WBP11: variants seen among roughly 807,000 people sequenced by gnomAD.
The protein encoded by WBP11 is WW domain binding protein 11, also known as WW domain-binding protein 11.
A neutral mutation model predicts 66.7 loss-of-function variants in WBP11; 12 were observed. The ratio of observed to expected loss-of-function variants is 0.18; its 90% CI spans 0.12 to 0.29. WBP11 has a LOEUF of 0.29. Ranked by LOEUF, WBP11 falls within the 10% of genes least tolerant of loss-of-function variation. The probability of loss-of-function intolerance (pLI) is 1.00; values close to 1 mark genes in which losing one functional copy is unlikely to be tolerated. For missense variants in WBP11, 555 were observed against 818.3 expected, an observed-to-expected ratio of 0.68 and a Z score of 3.93; for synonymous variants, 255 against 273.8, an observed-to-expected ratio of 0.93 and a Z score of 0.68.
Position 14,788,057 on chromosome 12 carries a change from T to C in WBP11, c.1493-559A>G, listed in dbSNP as rs532794206. Among the ~76,000 whole-genome samples the C allele has an allele frequency of 2.0e-5, 3 of 152,144 alleles. No homozygotes were observed. In the East Asian group the frequency reaches 5.8e-4, roughly 29 times the overall value. ...CTCGAGACCAGCCTGATGACCAACA[T>C]GATGAAACCCTGTCTCTACTAAAAA... is the stretch of plus-strand genomic sequence containing the variant. On this transcript the variant is annotated intron_variant, in intron 11 of 11. Coordinates refer to ENST00000261167, the MANE Select transcript of WBP11 (RefSeq NM_016312.3).
Position 14,801,435 on chromosome 12 carries a change from A to C in WBP11, c.-45-7T>G, listed in dbSNP as rs546649911. On this transcript the variant is annotated splice_region_variant and splice_polypyrimidine_tract_variant and intron_variant, in intron 1 of 11. Coordinates refer to ENST00000261167, the MANE Select transcript of WBP11 (RefSeq NM_016312.3). ...TCATTAAAAAAAGAAAAACCTGTGAAGGTGAAGACAAAGAAATAGCTTATA... is the reference window on the plus strand; with the variant it reads ...TCATTAAAAAAAGAAAAACCTGTGACGGTGAAGACAAAGAAATAGCTTATA... The C allele has an allele frequency of 1.2e-5, 18 of 1,560,158 alleles. No homozygotes were observed. The Admixed American group carries it at 1.5e-4, about 13-fold the overall frequency.
chr12:14,803,227 G>C (rs1949993185), intron 1 of WBP11, 125 bp downstream of exon 1: 2 of 391,242 alleles, frequency 5.1e-6, no homozygotes, highest in African/African-American at 4.1e-5. Flanking sequence ...GTCCGCAACA[G>C]GGAGACCTCA....
At position 14,803,444 on chromosome 12, in the gene WBP11, T is replaced by C. The variant is rs1275406088; in HGVS notation, c.-138A>G. 2.5e-6 allele frequency: 1 copy of C among 398,662 alleles called. No individual in the cohort carries two copies. The allele number at this position is 398,662 out of a possible 1,614,324, so 24.7% of individuals were successfully genotyped here. On this transcript the variant is annotated 5_prime_UTR_variant, in exon 1 of 12. Coordinates refer to ENST00000261167, the MANE Select transcript of WBP11 (RefSeq NM_016312.3). ...AAAGGCCTTCAACTGGGTCTCTCGG[T>C]CAACCCCTCAGCTACCGCCATCTTG...
Position 14,787,360 on chromosome 12 carries a change from G to A in WBP11, c.1631C>T (p.Pro544Leu), listed in dbSNP as rs1286398440. ...GGCTGCACTTGTATCATCCGCCTTGGGTCGCTGAATCAAGTTGGGTGGGGC... is the reference window on the plus strand; with the variant it reads ...GGCTGCACTTGTATCATCCGCCTTGAGTCGCTGAATCAAGTTGGGTGGGGC... ...LSAPPNLIQR[P>L]KADDTSAATI... Residue 544 changes from proline to leucine, a missense_variant, in exon 12 of 12, where the codon CCC (proline) becomes CTC (leucine). Around this residue, in one of 6 missense-constraint regions of WBP11, gnomAD observed 230 missense variants for 286.3 expected, o/e 0.80. Transcript: ENST00000261167. The A allele has an allele frequency of 6.2e-7, 1 of 1,608,846 alleles. No individual in the cohort carries two copies. The highest frequency in any genetic ancestry group is 1.7e-5 in the Admixed American group (1 of 59,848).
At chr12:14,789,196 T>A in intron 10 of WBP11, 63 bp from the exon 11 acceptor site, 1 of 1,400,134 alleles carries the variant, frequency 7.1e-7, no homozygotes, top group Non-Finnish European at 9.5e-7. Flanking sequence ...AATTATGGCT[T>A]AAAAGTAACT....
Position 14,786,037 on chromosome 12 carries a change from G to A in WBP11, c.*1028C>T, listed in dbSNP as rs1949750489. On this transcript the variant is annotated 3_prime_UTR_variant, in exon 12 of 12. Coordinates refer to ENST00000261167, the MANE Select transcript of WBP11 (RefSeq NM_016312.3). ...TGGTATAAATGCAAATTAATGTTAAGCACTCTTATTCATTCATATTTTAAT... is the reference window on the plus strand; with the variant it reads ...TGGTATAAATGCAAATTAATGTTAAACACTCTTATTCATTCATATTTTAAT... The A allele has an allele frequency of 1.3e-5, 2 of 152,116 alleles. No homozygotes were observed. The highest frequency in any genetic ancestry group is 2.4e-5 in the African/African-American group (1 of 41,432). 9.4% of individuals were successfully genotyped at this position (152,116 alleles called of 1,614,324 possible).
Position 14,787,470 on chromosome 12 carries a change from C to T in WBP11, c.1521G>A (p.Met507Ile). ...CAAGGGGAGGCACCAAAGGTGGGCG[C>T]ATCATGCCAGGACGAGGTGGAGGAA... ...PGIPPPRPGM[M>I]RPPLVPPLGP... Residue 507 changes from methionine (M) to isoleucine (I), a missense_variant, in exon 12 of 12, where the codon ATG (methionine) becomes ATA (isoleucine). By Grantham distance (10) the Met-to-Ile change is conservative. Around this residue, in one of 6 missense-constraint regions of WBP11, gnomAD observed 230 missense variants for 286.3 expected, o/e 0.80. Coordinates refer to ENST00000261167, the MANE Select transcript of WBP11 (RefSeq NM_016312.3). The T allele has an allele frequency of 6.6e-7, 1 of 1,517,646 alleles. No homozygotes were observed. Among genetic ancestry groups the T allele is most frequent in the Non-Finnish European group, 8.8e-7 (1 of 1,132,800 alleles). 94.0% of individuals were successfully genotyped at this position (1,517,646 alleles called of 1,614,324 possible).
rs947509340 is a variant in WBP11 at position 14,786,763 on chromosome 12, A to C, written c.*302T>G. The C allele has an allele frequency of 3.8e-6, 1 of 261,326 alleles. No homozygotes were observed. The highest frequency in any genetic ancestry group is 2.2e-5 in the African/African-American group (1 of 46,298). 16.2% of individuals were successfully genotyped at this position (261,326 alleles called of 1,614,324 possible). A position where few individuals can be genotyped will look rare whatever the true frequency, so the allele number is the denominator to read the frequency against. Reference sequence around the variant, plus strand: ...ACACAAGAGTCAAAACAAATAAGCAACTAAGATCCCCCGATCACAAATTTC... The same window carrying C: ...ACACAAGAGTCAAAACAAATAAGCACCTAAGATCCCCCGATCACAAATTTC... On this transcript the variant is annotated 3_prime_UTR_variant, in exon 12 of 12. Coordinates refer to ENST00000261167, the MANE Select transcript of WBP11 (RefSeq NM_016312.3).
intron 9 of WBP11, 112 bp from the exon 10 acceptor site, chr12:14,790,861 C>G: frequency 9.6e-7 from 1 of 1,043,580 alleles, no homozygotes; most frequent in Non-Finnish European, 1.4e-6. Flanking sequence ...AATTAAAAAC[C>G]AAATAGTCTT....
Position 14,790,599 on chromosome 12 carries a change from T to C in WBP11, c.1166A>G (p.Gln389Arg), listed in dbSNP as rs1949810702. The C allele has an allele frequency of 6.2e-7, 1 of 1,614,042 alleles. No homozygotes were observed. The highest frequency in any genetic ancestry group is 1.3e-5 in the African/African-American group (1 of 75,062). Residue 389 changes from glutamine (Q) to arginine (R), a missense_variant, in exon 10 of 12, where the codon CAG (glutamine) becomes CGG (arginine). Physicochemically the swap from Gln to Arg is conservative, Grantham distance 43. This residue lies in a region of WBP11 where 230 missense variants were observed against 286.3 expected (regional missense o/e 0.80). Transcript: ENST00000261167. ...AACAGACTGCGGCGGAGCCTGCTGC[T>C]GTGAAGAAGCAGTGGATGTGCCATC... ...HSDGTSTASS[Q>R]QQAPPQSVPP...
intron 4 of WBP11, 37 bp from the exon 5 acceptor site, chr12:14,797,040 A>C: frequency 6.6e-7 from 1 of 1,518,502 alleles, no homozygotes; most frequent in East Asian, 2.3e-5. Flanking sequence ...TAAATATAAG[A>C]GGCCACTTCA....
intron 4 of WBP11, 111 bp downstream of exon 4, chr12:14,799,524 T>C: frequency 2.0e-6 from 2 of 1,007,826 alleles, no homozygotes; most frequent in Admixed American, 2.9e-5. Context: ...AATCCAAGCA[T>C]CAAATGCCAT....
intron 4 of WBP11, among the ~76,000 whole-genome samples, chr12:14,797,291 A>T (rs1476482281): frequency 6.6e-6 from 1 of 152,190 alleles, no homozygotes; most frequent in Non-Finnish European, 1.5e-5. Context: ...CCTCGTGAAG[A>T]TTCTGTCAGA....
chr12:14,802,369 T>C (rs1256349849), intron 1 of WBP11, among the ~76,000 whole-genome samples: 3 of 152,158 alleles, frequency 2.0e-5, no homozygotes, highest in Non-Finnish European at 4.4e-5. Context: ...GTCAGCCCAG[T>C]TTATTACAGT....
chr12:14,794,493 T>TA, intron 7 of WBP11, 44 bp downstream of exon 7: 2 of 1,606,662 alleles, frequency 1.2e-6, no homozygotes, highest in South Asian at 1.1e-5. Flanking sequence ...AGGGCCAACA[T>TA]AAAAAATGAT....
intron 5 of WBP11, 64 bp from the exon 6 acceptor site, chr12:14,795,168 G>T (rs1425040202): frequency 4.8e-6 from 7 of 1,459,630 alleles, no homozygotes; most frequent in Non-Finnish European, 6.3e-6. Flanking sequence ...CACTAAAAAT[G>T]ACAAGTCAGC....
At chr12:14,802,879 C>T (rs1387084212) in intron 1 of WBP11, among the ~76,000 whole-genome samples, 4 of 152,108 alleles carry the variant, frequency 2.6e-5, no homozygotes, top group Non-Finnish European at 4.4e-5. Context: ...ACAACGGATA[C>T]GAATTACAGA....
chr12:14,801,543 G>A, intron 1 of WBP11, 115 bp from the exon 2 acceptor site: 1 of 613,376 alleles, frequency 1.6e-6, no homozygotes, highest in Non-Finnish European at 2.8e-6. Context: ...CTGTGAGACT[G>A]TTCTTTCCTT....
chr12:14,802,398 G>C (rs1385538905), intron 1 of WBP11, among the ~76,000 whole-genome samples: 1 of 152,140 alleles, frequency 6.6e-6, no homozygotes, highest in Non-Finnish European at 1.5e-5. Context: ...CTTTCACCAA[G>C]TGTCCAACTG....
Sources: gnomAD v4.1 joint callset for allele counts (sites outside exome capture counted in the v4.1 genomes callset) on GRCh38, gnomAD v4.1.1 for gene constraint, gnomAD v4.1.1 regional missense constraint, MANE v1.5 for transcripts, NCBI Gene and HGNC (gene_info 2026-07-23, HGNC 2026-07-21) for gene names.